Variants in SLC24A2 observed in about 807,000 individuals in gnomAD.
SLC24A2 encodes sodium/potassium/calcium exchanger 2.
A neutral mutation model predicts 62.0 loss-of-function variants in SLC24A2; 36 were observed. The ratio of observed to expected loss-of-function variants is 0.58; its 90% confidence interval spans 0.44 to 0.77. SLC24A2 has a LOEUF of 0.77. SLC24A2 is among the 30% of genes least tolerant of loss of function. The pLI, the probability that SLC24A2 is intolerant of heterozygous loss-of-function variation, is 0.00. For missense variants in SLC24A2, 846 were observed against 817.9 expected, an observed-to-expected ratio of 1.03 and a Z score of -0.42; for synonymous variants, 358 against 294.0, an observed-to-expected ratio of 1.22 and a Z score of -2.23.
chr9:20,072,175 A>G, the SLC24A2 span, among the ~76,000 whole-genome samples: 2 of 152,124 alleles, frequency 1.3e-5, no homozygotes, highest in African/African-American at 4.8e-5. Context: ...AAGCATGGAT[A>G]ATGGTGTCAA....
chr9:19,950,167 G>C, the SLC24A2 span, among the ~76,000 whole-genome samples: 3 of 152,168 alleles, frequency 2.0e-5, no homozygotes, highest in South Asian at 4.2e-4. Context: ...AATTCTATGT[G>C]GCTCAGCTTT....
At position 19,576,955 on chromosome 9, in the gene SLC24A2, G is replaced by C. The variant is rs369337900; in HGVS notation, c.1197C>G (p.Asn399Lys). ...GGTTGGCAGCCCCATTCTGCCTCTC[G>C]TTCTCATCCACATGACATTTCTTCT... ...IAKKKCHVDE[N>K]ERQNGAANHV... The change falls in exon 6 of 11, where the codon AAC becomes AAG. Residue 399 changes from asparagine (N) to lysine (K), a missense_variant. Coordinates refer to ENST00000341998, the MANE Select transcript of SLC24A2 (RefSeq NM_020344.4). The C allele has an allele frequency of 5.7e-5, 92 of 1,613,910 alleles. 1 individual carries two copies. Among genetic ancestry groups the C allele is most frequent in the African/African-American group, 3.5e-4 (26 of 74,916 alleles).
At chr9:20,244,478 G>C in the SLC24A2 span, among the ~76,000 whole-genome samples, 1 of 152,150 alleles carries the variant, frequency 6.6e-6, no homozygotes, top group Non-Finnish European at 1.5e-5. Flanking sequence ...CCTGTGAAAT[G>C]CATGCGTGCA....
At chr9:20,234,019 G>C in the SLC24A2 span, among the ~76,000 whole-genome samples, 1 of 152,206 alleles carries the variant, frequency 6.6e-6, no homozygotes, top group Non-Finnish European at 1.5e-5. Flanking sequence ...ATTCTGGGTT[G>C]AAAATTATTT....
the SLC24A2 span, among the ~76,000 whole-genome samples, chr9:20,092,793 G>C: frequency 6.6e-6 from 1 of 152,142 alleles, no homozygotes; most frequent in Non-Finnish European, 1.5e-5. Context: ...AAACAATGCA[G>C]TGTTATTAAT....
chr9:19,689,892 G>A (rs944354611), intron 2 of SLC24A2, among the ~76,000 whole-genome samples: 2 of 152,152 alleles, frequency 1.3e-5, no homozygotes, highest in Non-Finnish European at 2.9e-5. Flanking sequence ...TTGGCAGGCT[G>A]AGTAAAGCAG....
chr9:20,016,141 T>C, the SLC24A2 span, among the ~76,000 whole-genome samples: 9 of 152,236 alleles, frequency 5.9e-5, no homozygotes, highest in Admixed American at 1.3e-4. Flanking sequence ...AAGTAGATCA[T>C]TGTTATCTTA....
chr9:19,907,968 G>A, the SLC24A2 span, among the ~76,000 whole-genome samples: 1 of 152,104 alleles, frequency 6.6e-6, no homozygotes, highest in Non-Finnish European at 1.5e-5. Context: ...TTTCTTCACA[G>A]AATTGGAAAA....
At chr9:20,266,480 T>C in the SLC24A2 span, among the ~76,000 whole-genome samples, 1 of 152,198 alleles carries the variant, frequency 6.6e-6, no homozygotes, top group Non-Finnish European at 1.5e-5. Context: ...ATAGTTATAG[T>C]TCTTAGACCA....
intron 2 of SLC24A2, among the ~76,000 whole-genome samples, chr9:19,642,983 ATTC>A (rs1818545541): frequency 9.5e-6 from 1 of 105,072 alleles, no homozygotes; most frequent in Non-Finnish European, 1.8e-5. Flanking sequence ...CCTGGCCAGT[ATTC>A]TTTTTTTTTT....
chr9:19,763,436 T>C (rs887383012), intron 2 of SLC24A2, among the ~76,000 whole-genome samples: 1 of 152,242 alleles, frequency 6.6e-6, no homozygotes, highest in African/African-American at 2.4e-5. Flanking sequence ...CCATTCAGTA[T>C]GATATTGGCT....
the SLC24A2 span, among the ~76,000 whole-genome samples, chr9:20,146,270 G>C: frequency 6.6e-6 from 1 of 152,110 alleles, no homozygotes; most frequent in Non-Finnish European, 1.5e-5. Context: ...AGTCTGGAAG[G>C]CAAATGTTGG....
At chr9:20,067,675 T>C in the SLC24A2 span, among the ~76,000 whole-genome samples, 3 of 152,210 alleles carry the variant, frequency 2.0e-5, no homozygotes, top group Non-Finnish European at 4.4e-5. Context: ...GTCAGGTTTA[T>C]GGCCTCCAGC....
At chr9:20,199,405 GCAGAGA>G in the SLC24A2 span, among the ~76,000 whole-genome samples, 1 of 152,176 alleles carries the variant, frequency 6.6e-6, no homozygotes, top group African/African-American at 2.4e-5. Flanking sequence ...AATCAATAAA[GCAGAGA>G]GCGGCTTAAT....
the SLC24A2 span, among the ~76,000 whole-genome samples, chr9:20,182,968 T>G: frequency 6.6e-6 from 1 of 152,222 alleles, no homozygotes; most frequent in African/African-American, 2.4e-5. Flanking sequence ...AAAGTTGATT[T>G]GTAAAATGAG....
At chr9:19,697,873 C>G (rs1257680138) in intron 2 of SLC24A2, among the ~76,000 whole-genome samples, 1 of 152,048 alleles carries the variant, frequency 6.6e-6, no homozygotes, top group Non-Finnish European at 1.5e-5. Context: ...AAAACAATTT[C>G]TAATTTAATC....
chr9:19,702,859 T>G (rs1820395588), intron 2 of SLC24A2, among the ~76,000 whole-genome samples: 1 of 152,148 alleles, frequency 6.6e-6, no homozygotes, highest in African/African-American at 2.4e-5. Flanking sequence ...AATAAATAAA[T>G]TCATTGATTT....
At chr9:20,192,182 C>T in the SLC24A2 span, among the ~76,000 whole-genome samples, 68,709 of 151,934 alleles carry the variant, frequency 0.45, 17,727 homozygotes, top group Non-Finnish European at 0.6. Flanking sequence ...GAGGTAACTG[C>T]TTAAGCAAAG....
chr9:19,784,021 G>A (rs1316577939), intron 2 of SLC24A2, among the ~76,000 whole-genome samples: 1 of 152,094 alleles, frequency 6.6e-6, no homozygotes, highest in East Asian at 1.9e-4. Flanking sequence ...CCAAATTTTA[G>A]AACACACAAT....
Sources: gnomAD v4.1 joint callset for allele counts (sites outside exome capture counted in the v4.1 genomes callset) on GRCh38, gnomAD v4.1.1 for gene constraint, MANE v1.5 for transcripts, NCBI Gene and HGNC (gene_info 2026-07-23, HGNC 2026-07-21) for gene names.